SULF2: variants seen among roughly 807,000 people sequenced by gnomAD.
SULF2 encodes the protein extracellular sulfatase Sulf-2.
SULF2 carries 52 observed loss-of-function variants against 107.7 expected under a neutral mutation model. The ratio of observed to expected loss-of-function variants is 0.48; its 90% CI spans 0.39 to 0.61. The LOEUF (loss-of-function observed/expected upper bound fraction) is 0.61. SULF2 is among the 20% of genes least tolerant of loss of function. SULF2 has a pLI of 0.00. For synonymous variants in SULF2, 460 were observed against 464.3 expected (o/e 0.99, Z 0.12); for missense variants, 993 against 1,177.3 (o/e 0.84, Z 2.29).
chr20:47,727,641 C>A (rs149057847), intron 3 of SULF2, among the ~76,000 whole-genome samples: 168 of 152,292 alleles, frequency 1.1e-3, no homozygotes, highest in African/African-American at 3.4e-3. Context: ...TGGCCACTTC[C>A]TCTTACGGCG....
intron 4 of SULF2, among the ~76,000 whole-genome samples, chr20:47,692,312 C>T (rs1432086831): frequency 6.6e-6 from 1 of 152,256 alleles, no homozygotes. Context: ...CCACTATATC[C>T]ATATGCACAA....
At chr20:47,674,957 C>T (rs2087593730) in intron 10 of SULF2, among the ~76,000 whole-genome samples, 3 of 152,190 alleles carry the variant, frequency 2.0e-5, no homozygotes, top group South Asian at 2.1e-4. Flanking sequence ...TGCTGCCTCC[C>T]AGCTGGCCTA....
intron 3 of SULF2, among the ~76,000 whole-genome samples, chr20:47,704,680 G>C (rs749325257): frequency 5.3e-5 from 8 of 152,248 alleles, no homozygotes; most frequent in South Asian, 2.1e-4. Flanking sequence ...TTCTAGATGA[G>C]GACACTGCGG....
chr20:47,682,063 GCT>G (rs1222457748), intron 7 of SULF2, among the ~76,000 whole-genome samples: 4 of 152,216 alleles, frequency 2.6e-5, no homozygotes, highest in Non-Finnish European at 5.9e-5. Flanking sequence ...CGTTATTACA[GCT>G]CTTAGTCCAA....
intron 4 of SULF2, among the ~76,000 whole-genome samples, chr20:47,691,258 A>T (rs2088187894): frequency 6.6e-6 from 1 of 152,240 alleles, no homozygotes; most frequent in Admixed American, 6.5e-5. Flanking sequence ...CAGATGAAGG[A>T]AATATCATAA....
Position 47,666,334 on chromosome 20 carries a change from C to A in SULF2, c.1731G>T (p.Lys577Asn). 6.2e-7 allele frequency: 1 copy of A among 1,614,252 alleles called. No homozygotes were observed. Among genetic ancestry groups the A allele is most frequent in the Non-Finnish European group, 8.5e-7 (1 of 1,180,054 alleles). Residue 577 changes from lysine (K) to asparagine (N), a missense_variant, in exon 12 of 21, where the codon AAG (lysine) becomes AAT (asparagine). This residue lies in a region of SULF2 where 497 missense variants were observed against 544.1 expected (regional missense o/e 0.91). Coordinates refer to ENST00000688720, the MANE Select transcript of SULF2 (RefSeq NM_001387048.1). The surrounding 1 kb of genome is among the most constrained non-coding windows in gnomAD (Gnocchi z 5.4). ...WPGAPEDQDD[K>N]DGGDFSGTGG... is the part of the protein sequence containing the mutation. ...CAGTGCCACTGAAGTCCCCACCATC[C>A]TTGTCATCTTGGTCCTCAGGGGCCC...
chr20:47,665,801 G>A, intron 13 of SULF2, 56 bp downstream of exon 13: 1 of 1,469,854 alleles, frequency 6.8e-7, no homozygotes, highest in Non-Finnish European at 9.5e-7. Context: ...GTGAACCGGG[G>A]GTCCTGCCAG....
At chr20:47,672,118 A>G in intron 11 of SULF2, 80 bp downstream of exon 11, 3 of 1,420,146 alleles carry the variant, frequency 2.1e-6, no homozygotes, top group Non-Finnish European at 2.9e-6. Flanking sequence ...GTCTCTGTGG[A>G]ACTGTCGGAG....
At chr20:47,712,399 G>A (rs1367887184) in intron 3 of SULF2, among the ~76,000 whole-genome samples, 1 of 152,230 alleles carries the variant, frequency 6.6e-6, no homozygotes, top group Non-Finnish European at 1.5e-5. Flanking sequence ...ATGAGAAGTT[G>A]TCCCTGGTCA....
In SULF2 at chr20:47,785,445, T is replaced by TGCCGCTGCCGCC. The variant is rs2090911457; in HGVS notation, c.-215_-204dup. 6.8e-6 allele frequency: 1 copy of TGCCGCTGCCGCC among 147,502 alleles called. No homozygotes were observed. Among genetic ancestry groups the TGCCGCTGCCGCC allele is most frequent in the Admixed American group, 7.0e-5 (1 of 14,244 alleles). The allele number at this position is 147,502 out of a possible 1,614,324, so 9.1% of individuals were successfully genotyped here. A position where few individuals can be genotyped will look rare whatever the true frequency, so the allele number is the denominator to read the frequency against. On this transcript the variant is annotated 5_prime_UTR_variant, in exon 1 of 21. Coordinates refer to ENST00000688720, the MANE Select transcript of SULF2 (RefSeq NM_001387048.1). ...GGCGCAGGGGACTCCGCGCCGCCGC[T>TGCCGCTGCCGCC]GCCGCTGCCGCCGCCGCCGCCGCCG...
At chr20:47,669,723 G>T (rs2087400550) in intron 11 of SULF2, among the ~76,000 whole-genome samples, 1 of 152,152 alleles carries the variant, frequency 6.6e-6, no homozygotes, top group Non-Finnish European at 1.5e-5. Context: ...GCTGTTGAGA[G>T]GTGCAGGTCC....
In SULF2 at chr20:47,712,670, G is replaced by A. The variant is rs113683338; in HGVS notation, c.416-10000C>T. On this transcript the variant is annotated intron_variant, in intron 3 of 20. Coordinates refer to ENST00000688720, the MANE Select transcript of SULF2 (RefSeq NM_001387048.1). ...ACACAGCTGTGCAAGGTGGGGCAGC[G>A]CCCTCTAATGTTAAGCGTCACACCC... Among the ~76,000 whole-genome samples, 12 of 152,274 alleles carry A rather than the reference G, an allele frequency of 7.9e-5. No individual in the cohort carries two copies. In the East Asian group the frequency reaches 9.7e-4, roughly 12 times the overall value.
intron 1 of SULF2, among the ~76,000 whole-genome samples, chr20:47,781,723 T>C (rs1437605047): frequency 6.6e-6 from 1 of 151,964 alleles, no homozygotes; most frequent in Non-Finnish European, 1.5e-5. Flanking sequence ...AGGAGACAGG[T>C]GCTATGATCA....
chr20:47,690,061 C>T, intron 5 of SULF2, 65 bp downstream of exon 5: 1 of 1,328,626 alleles, frequency 7.5e-7, no homozygotes, highest in Non-Finnish European at 9.7e-7. Context: ...AGTACTGTTG[C>T]TAAAGCCTGA....
intron 13 of SULF2, among the ~76,000 whole-genome samples, chr20:47,665,514 G>A (rs2146406553): frequency 6.6e-6 from 1 of 152,366 alleles, no homozygotes; most frequent in South Asian, 2.1e-4. Context: ...CAAGGGAACC[G>A]AGTCATTTTT....
intron 2 of SULF2, among the ~76,000 whole-genome samples, chr20:47,754,487 T>TACCTCCTGAAGGAGGCTTA (rs146867888): frequency 0.2 from 30,271 of 152,050 alleles, 3,064 homozygotes; most frequent in Middle Eastern, 0.21. Context: ...TCCCATCCCT[T>TACCTCCTGAAGGAGGCTTA]GCCTCCTTCA....
chr20:47,735,639 G>T (rs761933521), intron 3 of SULF2, among the ~76,000 whole-genome samples: 3 of 152,184 alleles, frequency 2.0e-5, no homozygotes, highest in Non-Finnish European at 4.4e-5. Flanking sequence ...ATAATGGCAC[G>T]CACAATACAC....
chr20:47,714,628 C>A (rs1013544944), intron 3 of SULF2, among the ~76,000 whole-genome samples: 5 of 152,320 alleles, frequency 3.3e-5, no homozygotes, highest in Admixed American at 2.6e-4. Flanking sequence ...TCAAGCCCCC[C>A]ACTCTGTGCA....
At chr20:47,697,373 G>A (rs1177664654) in intron 4 of SULF2, among the ~76,000 whole-genome samples, 1 of 152,214 alleles carries the variant, frequency 6.6e-6, no homozygotes, top group East Asian at 1.9e-4. Flanking sequence ...CTTACGAAGG[G>A]TTGCCGCTTC....
Sources: allele counts gnomAD v4.1 joint callset (sites outside exome capture counted in the v4.1 genomes callset), GRCh38; gene constraint gnomAD v4.1.1; regional missense constraint gnomAD v4.1.1; non-coding constraint Gnocchi (gnomAD v3.1); transcripts MANE v1.5; gene names NCBI Gene and HGNC (gene_info 2026-07-23, HGNC 2026-07-21).